The following CHST11 variants were observed in gnomAD, a reference collection of about 807,000 sequenced individuals.
CHST11 encodes carbohydrate sulfotransferase 11.
A neutral mutation model predicts 30.4 loss-of-function variants in CHST11; 9 were observed. That is an observed-to-expected ratio of 0.30 (90% CI 0.18 to 0.52). CHST11 has a LOEUF of 0.52. Among genes scored for constraint, CHST11 ranks in the 20% least tolerant of loss-of-function variants. The probability of loss-of-function intolerance (pLI) is 0.97; values close to 1 mark genes in which losing one functional copy is unlikely to be tolerated. For missense variants in CHST11, 348 were observed against 460.6 expected (o/e 0.76, Z 2.24); for synonymous variants, 152 against 187.8 (o/e 0.81, Z 1.56).
At chr12:104,496,678 C>T (rs966589608) in intron 1 of CHST11, among the ~76,000 whole-genome samples, 11 of 152,122 alleles carry the variant, frequency 7.2e-5, no homozygotes, top group Admixed American at 3.3e-4. Flanking sequence ...TATTTTGGTG[C>T]TATGAAATGA....
intron 2 of CHST11, among the ~76,000 whole-genome samples, chr12:104,712,056 G>A (rs2040093047): frequency 6.6e-6 from 1 of 152,158 alleles, no homozygotes; most frequent in South Asian, 2.1e-4. Flanking sequence ...GGTTGGGCTG[G>A]GGCAGGTCAG....
At chr12:104,736,572 G>A (rs1273363460) in intron 2 of CHST11, among the ~76,000 whole-genome samples, 1 of 152,240 alleles carries the variant, frequency 6.6e-6, no homozygotes, top group East Asian at 1.9e-4. Context: ...ACCCCAGGCT[G>A]ACTGAGCGTA....
intron 2 of CHST11, among the ~76,000 whole-genome samples, chr12:104,704,569 G>A (rs780291774): frequency 3.3e-5 from 5 of 152,144 alleles, no homozygotes; most frequent in Non-Finnish European, 5.9e-5. Flanking sequence ...CTCAGCTGGA[G>A]GCTTTAGCCA....
intron 2 of CHST11, among the ~76,000 whole-genome samples, chr12:104,712,647 A>G (rs985819133): frequency 2.0e-5 from 3 of 152,224 alleles, no homozygotes; most frequent in African/African-American, 7.2e-5. Flanking sequence ...GTTAACCCTC[A>G]GAACTACCAG....
At chr12:104,616,391 A>G (rs1355731456) in intron 2 of CHST11, among the ~76,000 whole-genome samples, 1 of 152,200 alleles carries the variant, frequency 6.6e-6, no homozygotes, top group Non-Finnish European at 1.5e-5. Flanking sequence ...TCCAGGGACC[A>G]GCAACACTGA....
At chr12:104,647,784 G>A (rs1426305681) in intron 2 of CHST11, among the ~76,000 whole-genome samples, 3 of 152,174 alleles carry the variant, frequency 2.0e-5, no homozygotes, top group African/African-American at 7.2e-5. Context: ...TGTGGTGTGG[G>A]GTCTGTGGTT....
At position 104,713,514 on chromosome 12, in the gene CHST11, T is replaced by C. The variant is rs561635027; in HGVS notation, c.205-43435T>C. On this transcript the variant is annotated intron_variant, in intron 2 of 2. Transcript: ENST00000303694. ...ATGTAAAGAAATTTTTCAAAACGGC[T>C]CTGTATGAAGATAAAAGATCTGAAC... Among the ~76,000 whole-genome samples the C allele has an allele frequency of 2.9e-3, 440 of 152,186 alleles. 5 individuals are homozygous for C. Among genetic ancestry groups the C allele is most frequent in the South Asian group, 0.011 (55 of 4,818 alleles).
chr12:104,681,594 A>C (rs1299204527), intron 2 of CHST11, among the ~76,000 whole-genome samples: 1 of 152,200 alleles, frequency 6.6e-6, no homozygotes, highest in Non-Finnish European at 1.5e-5. Context: ...CTGCTTTTTA[A>C]AAAAGAGATA....
At chr12:104,576,553 C>T (rs769723892) in intron 1 of CHST11, among the ~76,000 whole-genome samples, 2 of 152,124 alleles carry the variant, frequency 1.3e-5, no homozygotes, top group East Asian at 1.9e-4. Flanking sequence ...AAAAGAGCAA[C>T]GGACTCTTCA....
intron 2 of CHST11, among the ~76,000 whole-genome samples, chr12:104,752,405 G>A (rs920453318): frequency 6.6e-6 from 1 of 152,074 alleles, no homozygotes; most frequent in Non-Finnish European, 1.5e-5. Flanking sequence ...ACATTCTGAG[G>A]TTCTGGGTGG....
chr12:104,754,450 C>T (rs1446303917), intron 2 of CHST11, among the ~76,000 whole-genome samples: 1 of 152,156 alleles, frequency 6.6e-6, no homozygotes, highest in Non-Finnish European at 1.5e-5. Flanking sequence ...TCTGCAGTGC[C>T]CCAGTCTTCA....
At chr12:104,717,333 C>G (rs1307115349) in intron 2 of CHST11, among the ~76,000 whole-genome samples, 1 of 152,186 alleles carries the variant, frequency 6.6e-6, no homozygotes, top group Non-Finnish European at 1.5e-5. Context: ...TGCCCCAAAA[C>G]CATTTTGAGA....
Position 104,560,413 on chromosome 12 carries a change from G to T in CHST11, c.119-41493G>T, listed in dbSNP as rs137934590. Among the ~76,000 whole-genome samples the T allele has an allele frequency of 3.6e-3, 550 of 152,236 alleles. 2 individuals carry two copies. Among genetic ancestry groups the T allele is most frequent in the African/African-American group, 0.013 (536 of 41,534 alleles). Reference sequence around the variant, plus strand: ...AGTGGGAAGGTTTGGTTGAGCCATGGGGGGGTTCATGGTACCTTCTAGGAA... The same window carrying T: ...AGTGGGAAGGTTTGGTTGAGCCATGTGGGGGTTCATGGTACCTTCTAGGAA... On this transcript the variant is annotated intron_variant, in intron 1 of 2. Transcript: ENST00000303694.
Position 104,539,629 on chromosome 12 carries a change from G to A in CHST11, c.119-62277G>A, listed in dbSNP as rs368168151. Among the ~76,000 whole-genome samples the A allele has an allele frequency of 2.0e-5, 3 of 152,066 alleles. No individual in the cohort carries two copies. In the East Asian group the frequency reaches 5.8e-4, roughly 29 times the overall value. On this transcript the variant is annotated intron_variant, in intron 1 of 2. Transcript: ENST00000303694. The stretch of plus-strand genomic sequence containing the variant: ...GTTAGGACCCTTGGCACTGAGGAGG[G>A]ATGCAGCTCACACCCCCAAAATTGT...
intron 1 of CHST11, among the ~76,000 whole-genome samples, chr12:104,476,496 A>T (rs1346165550): frequency 6.6e-6 from 1 of 152,022 alleles, no homozygotes; most frequent in Non-Finnish European, 1.5e-5. Context: ...ATTCCATCAG[A>T]TGGATGTATT....
At chr12:104,517,931 G>T (rs1192859934) in intron 1 of CHST11, among the ~76,000 whole-genome samples, 2 of 152,168 alleles carry the variant, frequency 1.3e-5, no homozygotes, top group Non-Finnish European at 2.9e-5. Context: ...TTCCCACTGA[G>T]GATCGTACTG....
At chr12:104,623,900 G>A (rs1013006966) in intron 2 of CHST11, among the ~76,000 whole-genome samples, 1 of 152,142 alleles carries the variant, frequency 6.6e-6, no homozygotes, top group Non-Finnish European at 1.5e-5. Context: ...GTCATGTGAT[G>A]TTTCTCTAGC....
chr12:104,734,853 G>A (rs1035114304), intron 2 of CHST11, among the ~76,000 whole-genome samples: 1 of 152,200 alleles, frequency 6.6e-6, no homozygotes, highest in Non-Finnish European at 1.5e-5. Context: ...GAGGGTTTGG[G>A]ATGCTTAGAC....
At chr12:104,732,916 A>G (rs2040268616) in intron 2 of CHST11, among the ~76,000 whole-genome samples, 1 of 152,240 alleles carries the variant, frequency 6.6e-6, no homozygotes. Context: ...TTTTTTAAGC[A>G]CTTATTTCCT....
Sources: allele counts gnomAD v4.1 joint callset (sites outside exome capture counted in the v4.1 genomes callset), GRCh38; gene constraint gnomAD v4.1.1; transcripts MANE v1.5; gene names NCBI Gene and HGNC (gene_info 2026-07-23, HGNC 2026-07-21).